Variants in SMURF1 observed in about 807,000 individuals in gnomAD.
SMURF1 encodes SMAD specific E3 ubiquitin protein ligase 1.
In SMURF1, 44 loss-of-function variants were observed where a neutral mutation model predicts 98.0. The observed-to-expected ratio is 0.45, with a 90% confidence interval of 0.35 to 0.58. The LOEUF is 0.58. SMURF1 is among the 20% of genes least tolerant of loss of function. SMURF1 has a pLI of 0.00. For missense variants in SMURF1, 687 were observed against 938.4 expected (o/e 0.73, Z 3.50); for synonymous variants, 396 against 374.9 (o/e 1.06, Z -0.65).
chr7:99,056,800 C>T (rs983464198), intron 5 of SMURF1, among the ~76,000 whole-genome samples: 73 of 152,016 alleles, frequency 4.8e-4, no homozygotes, highest in Non-Finnish European at 2.4e-4. Context: ...GTCAGGAAAT[C>T]GAGACCAGCC....
chr7:99,041,429 C>A, intron 12 of SMURF1, among the ~76,000 whole-genome samples: 1 of 152,166 alleles, frequency 6.6e-6, no homozygotes, highest in East Asian at 1.9e-4. Context: ...CATTCTAGAA[C>A]CAGAGCCGTT....
intron 1 of SMURF1, among the ~76,000 whole-genome samples, chr7:99,136,254 C>T (rs1797990691): frequency 1.3e-5 from 2 of 152,284 alleles, no homozygotes; most frequent in Non-Finnish European, 2.9e-5. Context: ...TGTTTCAAAT[C>T]CATTTCCATT....
chr7:99,059,202 A>G (rs1052288346), intron 3 of SMURF1, among the ~76,000 whole-genome samples: 1 of 151,322 alleles, frequency 6.6e-6, no homozygotes, highest in Non-Finnish European at 1.5e-5. Context: ...GATCGAGACC[A>G]TCCCGGCTAA....
intron 1 of SMURF1, among the ~76,000 whole-genome samples, chr7:99,067,091 G>A (rs1212513122): frequency 6.6e-6 from 1 of 151,012 alleles, no homozygotes; most frequent in East Asian, 2.0e-4. Flanking sequence ...CACCTCCTGG[G>A]TTCAAGTGAT....
chr7:99,108,611 C>CAAAAAAAAAAAAAAAAAAAAAAAA (rs11458541), intron 1 of SMURF1, among the ~76,000 whole-genome samples: 2 of 58,560 alleles, frequency 3.4e-5, no homozygotes, highest in African/African-American at 6.2e-5. Context: ...AACTCTGTCT[C>CAAAAAAAAAAAAAAAAAAAAAAAA]AAAAAAAAAA....
chr7:99,070,076 A>G (rs1029702483), intron 1 of SMURF1, among the ~76,000 whole-genome samples: 2 of 152,230 alleles, frequency 1.3e-5, no homozygotes, highest in African/African-American at 2.4e-5. Context: ...ATCTTCTACA[A>G]TTGCACTAAA....
At chr7:99,040,295 G>A (rs111601543) in intron 13 of SMURF1, 83 bp downstream of exon 13, 1,105 of 689,294 alleles carry the variant, frequency 1.6e-3, no homozygotes, top group South Asian at 2.7e-3. Context: ...ACACACACAC[G>A]CGCGCGCGCG....
chr7:99,080,382 C>A (rs1338215621), intron 1 of SMURF1, among the ~76,000 whole-genome samples: 1 of 152,202 alleles, frequency 6.6e-6, no homozygotes, highest in Non-Finnish European at 1.5e-5. Flanking sequence ...TCACTGCAAC[C>A]TCTGCCTCCC....
intron 1 of SMURF1, among the ~76,000 whole-genome samples, chr7:99,095,939 G>A (rs563177775): frequency 1.3e-5 from 2 of 152,150 alleles, no homozygotes; most frequent in Non-Finnish European, 2.9e-5. Context: ...GGTCACATTT[G>A]CTGAAAGGAG....
At chr7:99,094,783 C>G (rs1347595589) in intron 1 of SMURF1, among the ~76,000 whole-genome samples, 1 of 152,162 alleles carries the variant, frequency 6.6e-6, no homozygotes, top group African/African-American at 2.4e-5. Context: ...GAAATGGCAC[C>G]CAAGTCCCAA....
chr7:99,038,301 G>A (rs1163265621), intron 14 of SMURF1, 87 bp downstream of exon 14: 7 of 1,480,400 alleles, frequency 4.7e-6, no homozygotes, highest in African/African-American at 2.8e-5. Flanking sequence ...GGGACATGCA[G>A]GCCTCACACA....
At chr7:99,035,481 C>T (rs756833870) in intron 16 of SMURF1, 34 bp downstream of exon 16, 13 of 1,610,796 alleles carry the variant, frequency 8.1e-6, no homozygotes, top group Admixed American at 5.0e-5. Flanking sequence ...CACATAGACG[C>T]GTCATCGAAT....
rs1364647285 is a variant in SMURF1, at chr7:99,143,753, C to A, written c.28G>T (p.Gly10Cys). The change falls in exon 1 of 18, where the codon GGC (glycine) becomes TGC (cysteine). Residue 10 changes from glycine to cysteine, a missense_variant. Around this residue, in one of 2 missense-constraint regions of SMURF1, gnomAD observed 415 missense variants for 508.4 expected, o/e 0.82. Transcript: ENST00000361368. ...GTCAGACGGATCTTGATGCTGGAGC[C>A]GTTCCTGCGTGTCCCGGGGTTCGAC... The part of the protein sequence containing the change: MSNPGTRRN[G>C]SSIKIRLTVL... 1 of 1,557,318 alleles carries A rather than the reference C, an allele frequency of 6.4e-7. No individual in the cohort carries two copies. Among genetic ancestry groups the A allele is most frequent in the East Asian group, 2.6e-5 (1 of 37,810 alleles).
At chr7:99,034,894 TTTACAGTCCAA>T (rs760025103) in intron 16 of SMURF1, among the ~76,000 whole-genome samples, 2 of 152,178 alleles carry the variant, frequency 1.3e-5, no homozygotes, top group African/African-American at 2.4e-5. Flanking sequence ...TCTATCAGCA[TTTACAGTCCAA>T]TCAGCTAAAT....
At chr7:99,053,477 T>C (rs1285861584) in intron 6 of SMURF1, among the ~76,000 whole-genome samples, 2 of 152,226 alleles carry the variant, frequency 1.3e-5, no homozygotes, top group South Asian at 2.1e-4. Context: ...ATTTCTCCAA[T>C]TGTCTCATAA....
intron 1 of SMURF1, among the ~76,000 whole-genome samples, chr7:99,117,110 A>C (rs1172092037): frequency 6.6e-6 from 1 of 152,054 alleles, no homozygotes; most frequent in Non-Finnish European, 1.5e-5. Context: ...AGTCTTTTTC[A>C]ACAGTCTTTT....
At position 99,057,477 on chromosome 7, in the gene SMURF1, C is replaced by G. The variant is rs759014488; in HGVS notation, c.278G>C (p.Gly93Ala). 6.3e-7 allele frequency: 1 copy of G among 1,593,130 alleles called. No individual in the cohort carries two copies. Among genetic ancestry groups the G allele is most frequent in the Non-Finnish European group, 8.5e-7 (1 of 1,175,116 alleles). ...HKKIHKKQGA[G>A]FLGCVRLLSN... Reference sequence around the variant, plus strand: ...GAGCAGCCGCACACAGCCCAGGAAGCCAGCTCCCTGTTTCTTGTGAATTTT... The same window carrying G: ...GAGCAGCCGCACACAGCCCAGGAAGGCAGCTCCCTGTTTCTTGTGAATTTT... Residue 93 changes from glycine to alanine, a missense_variant, in exon 4 of 18, where the codon GGC (glycine) becomes GCC (alanine). Physicochemically the swap from Gly to Ala is moderately conservative, Grantham distance 60. This residue lies in a region of SMURF1 where 415 missense variants were observed against 508.4 expected (regional missense o/e 0.82). Transcript: ENST00000361368.
intron 11 of SMURF1, among the ~76,000 whole-genome samples, chr7:99,044,293 T>C (rs895125020): frequency 4.6e-5 from 7 of 151,812 alleles, no homozygotes; most frequent in Non-Finnish European, 7.4e-5. Context: ...GCCTGGGCCA[T>C]AGAGTGAGAT....
At chr7:99,054,562 T>A (rs763109831) in intron 6 of SMURF1, among the ~76,000 whole-genome samples, 20 of 152,146 alleles carry the variant, frequency 1.3e-4, no homozygotes, top group Non-Finnish European at 2.8e-4. Context: ...TGCCTCGGCC[T>A]CCCAAACTGC....
Sources: gnomAD v4.1 joint callset for allele counts (sites outside exome capture counted in the v4.1 genomes callset) on GRCh38, gnomAD v4.1.1 for gene constraint, gnomAD v4.1.1 regional missense constraint, MANE v1.5 for transcripts, NCBI Gene and HGNC (gene_info 2026-07-23, HGNC 2026-07-21) for gene names.